The following OSBPL8 variants were observed in gnomAD, a reference collection of about 807,000 sequenced individuals.
The protein encoded by OSBPL8 is oxysterol-binding protein-related protein 8.
In OSBPL8, 59 loss-of-function variants were observed where a neutral mutation model predicts 125.5. That is an observed-to-expected ratio of 0.47 (90% confidence interval 0.38 to 0.58). OSBPL8 has a LOEUF of 0.58. Ranked by LOEUF, OSBPL8 falls within the 20% of genes least tolerant of loss-of-function variation. OSBPL8 has a pLI of 0.00. For synonymous variants in OSBPL8, 330 were observed against 338.9 expected (o/e 0.97, Z 0.29); for missense variants, 758 against 1,047.8 (o/e 0.72, Z 3.82).
intron 1 of OSBPL8, among the ~76,000 whole-genome samples, chr12:76,542,398 A>G (rs1255085567): frequency 6.6e-6 from 1 of 152,168 alleles, no homozygotes; most frequent in Non-Finnish European, 1.5e-5. Flanking sequence ...TCACCAGTCT[A>G]GAACTTTCTC....
chr12:76,384,214 C>T (rs372948487), intron 15 of OSBPL8, 40 bp downstream of exon 15: 1 of 1,201,740 alleles, frequency 8.3e-7, no homozygotes, highest in African/African-American at 1.5e-5. Flanking sequence ...GAAAATAATA[C>T]CTCCCAGGAG....
chr12:76,383,603 ATT>A (rs747590497), intron 15 of OSBPL8, among the ~76,000 whole-genome samples: 1 of 151,860 alleles, frequency 6.6e-6, no homozygotes, highest in African/African-American at 2.4e-5. Flanking sequence ...TATCATAATG[ATT>A]TTTTTCACTC....
chr12:76,459,384 G>A (rs1029537073), intron 3 of OSBPL8, among the ~76,000 whole-genome samples: 1 of 152,000 alleles, frequency 6.6e-6, no homozygotes, highest in Non-Finnish European at 1.5e-5. Context: ...TAATTTTCAA[G>A]GATACATCTT....
chr12:76,525,111 A>G (rs912009594), intron 1 of OSBPL8, among the ~76,000 whole-genome samples: 2 of 152,218 alleles, frequency 1.3e-5, no homozygotes, highest in African/African-American at 4.8e-5. Flanking sequence ...CTATGGCTTA[A>G]AAGATACTTG....
At chr12:76,400,594 T>A (rs1186194863) in intron 6 of OSBPL8, among the ~76,000 whole-genome samples, 1 of 152,156 alleles carries the variant, frequency 6.6e-6, no homozygotes, top group Non-Finnish European at 1.5e-5. Context: ...TATCCTAATC[T>A]AGTATTCTAA....
rs545922053 is a variant in OSBPL8 at position 76,397,815 on chromosome 12, T to C, written c.551A>G (p.Asn184Ser). Residue 184 changes from asparagine to serine, a missense_variant, in exon 8 of 24, where the codon AAT becomes AGT. Asn to Ser is a conservative substitution (Grantham distance 46, BLOSUM62 1). This residue lies in a region of OSBPL8 where 69 missense variants were observed against 148.7 expected (regional missense o/e 0.46). Coordinates refer to ENST00000261183, the MANE Select transcript of OSBPL8 (RefSeq NM_020841.5). ...AAGAACTGTTCCTACCCACTGACCA[T>C]TTTTTTGGGTTTTATAGATCAGTAG... ...GVLLIYKTQK[N>S]GQWVGTVLLN... 6 of 1,613,794 alleles carry C rather than the reference T, an allele frequency of 3.7e-6. 1 individual carries two copies. The Admixed American group carries it at 6.7e-5, about 18-fold the overall frequency.
intron 5 of OSBPL8, among the ~76,000 whole-genome samples, chr12:76,404,709 T>C (rs1267931312): frequency 6.6e-6 from 1 of 152,252 alleles, no homozygotes; most frequent in Non-Finnish European, 1.5e-5. Flanking sequence ...TTCCTCTAGC[T>C]TACTTTATTG....
At chr12:76,535,973 T>C (rs1483021319) in intron 1 of OSBPL8, among the ~76,000 whole-genome samples, 1 of 152,218 alleles carries the variant, frequency 6.6e-6, no homozygotes, top group African/African-American at 2.4e-5. Context: ...CATGGGTGTA[T>C]ACATCTGTCA....
intron 21 of OSBPL8, among the ~76,000 whole-genome samples, chr12:76,363,382 C>T (rs1287577203): frequency 6.6e-6 from 1 of 152,174 alleles, no homozygotes; most frequent in Non-Finnish European, 1.5e-5. Flanking sequence ...TGATCTTGGA[C>T]AAACCTGACA....
At chr12:76,398,656 A>T (rs1439848461) in intron 7 of OSBPL8, among the ~76,000 whole-genome samples, 2 of 152,180 alleles carry the variant, frequency 1.3e-5, no homozygotes, top group Non-Finnish European at 2.9e-5. Flanking sequence ...AAAAATAAGA[A>T]TTATACTTTT....
At chr12:76,407,480 T>C (rs1367891534) in intron 5 of OSBPL8, among the ~76,000 whole-genome samples, 1 of 152,160 alleles carries the variant, frequency 6.6e-6, no homozygotes, top group African/African-American at 2.4e-5. Context: ...ACTCCTGAGC[T>C]CAAGCAATCT....
intron 16 of OSBPL8, among the ~76,000 whole-genome samples, chr12:76,377,521 A>G (rs1952874278): frequency 6.6e-6 from 1 of 152,180 alleles, no homozygotes; most frequent in African/African-American, 2.4e-5. Context: ...TTCTCTAATG[A>G]TCAGTGATAA....
At chr12:76,540,714 C>T (rs1349148035) in intron 1 of OSBPL8, among the ~76,000 whole-genome samples, 1 of 151,220 alleles carries the variant, frequency 6.6e-6, no homozygotes, top group Non-Finnish European at 1.5e-5. Flanking sequence ...CAAGCAAACA[C>T]ATTTCAAGCA....
rs749347643 is a variant in OSBPL8, at chr12:76,399,863, A to C, written c.468+10T>G. On this transcript the variant is annotated intron_variant, in intron 7 of 23. Coordinates refer to ENST00000261183, the MANE Select transcript of OSBPL8 (RefSeq NM_020841.5). The stretch of plus-strand genomic sequence containing the variant: ...CAGCAATCTGAATTCATGATTCAAA[A>C]CACACTGACCTTTAACCAATCAGCC... The C allele has an allele frequency of 6.3e-7, 1 of 1,581,320 alleles. No homozygotes were observed. The highest frequency in any genetic ancestry group is 8.6e-7 in the Non-Finnish European group (1 of 1,168,316).
intron 17 of OSBPL8, 57 bp downstream of exon 17, chr12:76,375,216 A>G: frequency 8.5e-7 from 1 of 1,174,966 alleles, no homozygotes. Flanking sequence ...CCTTTATTCA[A>G]TATTTATTGT....
At chr12:76,433,419 C>T (rs149698695) in intron 4 of OSBPL8, among the ~76,000 whole-genome samples, 165 of 151,454 alleles carry the variant, frequency 1.1e-3, no homozygotes, top group African/African-American at 3.7e-3. Context: ...ACATAATGAG[C>T]TACTCAAAAA....
intron 4 of OSBPL8, among the ~76,000 whole-genome samples, chr12:76,447,205 T>C (rs1020553102): frequency 6.6e-6 from 1 of 152,212 alleles, no homozygotes; most frequent in Non-Finnish European, 1.5e-5. Flanking sequence ...GTGCCAAATA[T>C]ATCATCTTTA....
Position 76,496,441 on chromosome 12 carries a change from GCTCACTACAACCTCAACCAC to G in OSBPL8, c.-67-8843_-67-8824del, listed in dbSNP as rs542694109. The stretch of plus-strand genomic sequence containing the variant: ...GCTAGAGTGCAGTGGCACAATCACA[GCTCACTACAACCTCAACCAC>G]CTGGGTGCAAGCAATCTTCTCACCC... On this transcript the variant is annotated intron_variant, in intron 1 of 23. Transcript: ENST00000261183. Among the ~76,000 whole-genome samples, 18 of 151,330 alleles carry G rather than the reference GCTCACTACAACCTCAACCAC, an allele frequency of 1.2e-4. No individual in the cohort carries two copies. In the South Asian group the frequency reaches 3.7e-3, roughly 32 times the overall value.
chr12:76,399,978 T>A lies in OSBPL8; in HGVS notation c.367-4A>T, dbSNP rs769690056. ...CTCGGTAATTTTTCTTTTGTACCTA[T>A]TTTATAGAAATAATAGAAAAGATAA... On this transcript the variant is annotated splice_region_variant and splice_polypyrimidine_tract_variant and intron_variant, in intron 6 of 23. Coordinates refer to ENST00000261183, the MANE Select transcript of OSBPL8 (RefSeq NM_020841.5). 1 of 1,583,988 alleles carries A rather than the reference T, an allele frequency of 6.3e-7. No homozygotes were observed. The highest frequency in any genetic ancestry group is 2.2e-5 in the East Asian group (1 of 44,624).
Sources: allele counts gnomAD v4.1 joint callset (sites outside exome capture counted in the v4.1 genomes callset), GRCh38; gene constraint gnomAD v4.1.1; regional missense constraint gnomAD v4.1.1; transcripts MANE v1.5; gene names NCBI Gene and HGNC (gene_info 2026-07-23, HGNC 2026-07-21).